MAN1A1: variants seen among roughly 807,000 people sequenced by gnomAD.
MAN1A1 encodes mannosidase alpha class 1A member 1, also known as mannosyl-oligosaccharide 1,2-alpha-mannosidase IA.
A neutral mutation model predicts 70.8 loss-of-function variants in MAN1A1; 29 were observed. The ratio of observed to expected loss-of-function variants is 0.41; its 90% CI spans 0.31 to 0.56. The LOEUF is 0.56. Ranked by LOEUF, MAN1A1 falls within the 20% of genes least tolerant of loss-of-function variation. The pLI is 0.29. For missense variants in MAN1A1, 747 were observed against 841.3 expected, an observed-to-expected ratio of 0.89 and a Z score of 1.39; for synonymous variants, 349 against 330.1, an observed-to-expected ratio of 1.06 and a Z score of -0.62.
At chr6:119,210,394 G>T (rs937337093) in intron 6 of MAN1A1, among the ~76,000 whole-genome samples, 1 of 151,948 alleles carries the variant, frequency 6.6e-6, no homozygotes, top group Non-Finnish European at 1.5e-5. Context: ...AAAGCAGTTT[G>T]GTGTATTTAG....
chr6:119,297,660 T>C (rs751673711), intron 4 of MAN1A1, among the ~76,000 whole-genome samples: 4 of 151,548 alleles, frequency 2.6e-5, no homozygotes, highest in African/African-American at 4.8e-5. Context: ...GTCACAAAGA[T>C]TAAACACGAT....
At position 119,348,922 on chromosome 6, in the gene MAN1A1, G is replaced by T; in HGVS notation, c.144C>A (p.Phe48Leu). The T allele has an allele frequency of 6.5e-7, 1 of 1,534,386 alleles. No individual in the cohort carries two copies. Among genetic ancestry groups the T allele is most frequent in the Non-Finnish European group, 8.8e-7 (1 of 1,141,032 alleles). The change falls in exon 2 of 13, where the codon TTC (phenylalanine) becomes TTA (leucine). Residue 48 changes from phenylalanine (F) to leucine (L), a missense_variant. This residue lies in a region of MAN1A1 where 328 missense variants were observed against 293.1 expected (regional missense o/e 1.12). Transcript: ENST00000368468. ...LTEKFVLLLV[F>L]SAFITLCFGA... ...CGAAGCAGAGCGTGATGAAGGCGCTGAATACCAGCAGCAGCACGAACTTCT... is the reference window on the plus strand; with the variant it reads ...CGAAGCAGAGCGTGATGAAGGCGCTTAATACCAGCAGCAGCACGAACTTCT...
intron 7 of MAN1A1, among the ~76,000 whole-genome samples, chr6:119,203,572 T>C (rs1194935002): frequency 6.6e-6 from 1 of 151,808 alleles, no homozygotes; most frequent in Non-Finnish European, 1.5e-5. Flanking sequence ...TACTGTATGG[T>C]GTACATACAG....
chr6:119,282,886 A>G lies in MAN1A1; in HGVS notation c.897+7797T>C, dbSNP rs79570078. ...AGTTTCCTCAAATTAAGGACCATAT[A>G]TGTACCTTGTAGAATCACTTTCACA... On this transcript the variant is annotated intron_variant, in intron 5 of 12. Coordinates refer to ENST00000368468, the MANE Select transcript of MAN1A1 (RefSeq NM_005907.4). 2.0e-4 allele frequency among the ~76,000 whole-genome samples: 31 copies of G among 152,332 alleles called. No individual in the cohort carries two copies. The East Asian group carries it at 4.0e-3, about 20-fold the overall frequency.
intron 11 of MAN1A1, among the ~76,000 whole-genome samples, chr6:119,186,681 G>A (rs1213760164): frequency 1.3e-5 from 2 of 152,208 alleles, no homozygotes; most frequent in Admixed American, 6.5e-5. Context: ...GTTTCCAGCT[G>A]TGGTCTCAAG....
chr6:119,188,605 G>A, intron 10 of MAN1A1, 28 bp from the exon 11 acceptor site: 2 of 1,599,828 alleles, frequency 1.3e-6, no homozygotes, highest in Non-Finnish European at 1.7e-6. Context: ...AATGAATAAG[G>A]GTTATTTTCC....
chr6:119,244,768 G>T (rs1775124290), intron 6 of MAN1A1, among the ~76,000 whole-genome samples: 1 of 152,094 alleles, frequency 6.6e-6, no homozygotes, highest in Admixed American at 6.6e-5. Context: ...TCTTAGGTTT[G>T]TCAATTACAT....
intron 2 of MAN1A1, among the ~76,000 whole-genome samples, chr6:119,333,751 T>C (rs1773381397): frequency 6.6e-6 from 1 of 152,244 alleles, no homozygotes; most frequent in African/African-American, 2.4e-5. Context: ...AATAATCTAC[T>C]CCTGGTTAAC....
intron 9 of MAN1A1, 79 bp from the exon 10 acceptor site, chr6:119,189,962 A>T (rs1386238946): frequency 9.2e-6 from 10 of 1,086,028 alleles, no homozygotes; most frequent in Middle Eastern, 2.2e-4. Context: ...CATTAAAAAA[A>T]AAAGAATAGA....
At chr6:119,326,049 T>G (rs955690381) in intron 2 of MAN1A1, among the ~76,000 whole-genome samples, 1 of 152,174 alleles carries the variant, frequency 6.6e-6, no homozygotes, top group Non-Finnish European at 1.5e-5. Context: ...TTCCAGCCCA[T>G]GCTGAGGTCC....
intron 4 of MAN1A1, 55 bp downstream of exon 4, chr6:119,301,933 T>A (rs771719464): frequency 6.3e-6 from 6 of 951,964 alleles, no homozygotes; most frequent in Non-Finnish European, 1.0e-5. Flanking sequence ...ACTACAGAAT[T>A]TATCCATGTT....
chr6:119,262,578 C>A (rs908390393), intron 5 of MAN1A1, among the ~76,000 whole-genome samples: 10 of 152,124 alleles, frequency 6.6e-5, no homozygotes, highest in Non-Finnish European at 1.2e-4. Flanking sequence ...TTGGTGATTT[C>A]TCAAAGAATT....
At chr6:119,186,930 G>C (rs1773307761) in intron 11 of MAN1A1, among the ~76,000 whole-genome samples, 1 of 152,206 alleles carries the variant, frequency 6.6e-6, no homozygotes, top group African/African-American at 2.4e-5. Context: ...TGAGACCTCA[G>C]TGTTGTGACA....
chr6:119,275,024 G>C (rs1483725847), intron 5 of MAN1A1, among the ~76,000 whole-genome samples: 1 of 152,100 alleles, frequency 6.6e-6, no homozygotes, highest in Non-Finnish European at 1.5e-5. Context: ...TAAGCATTAC[G>C]AGTGTGATTA....
intron 11 of MAN1A1, among the ~76,000 whole-genome samples, chr6:119,186,071 C>T (rs986846626): frequency 5.3e-5 from 8 of 152,036 alleles, no homozygotes; most frequent in African/African-American, 1.7e-4. Flanking sequence ...AGCTGAAATG[C>T]AGAAGGGAGA....
intron 6 of MAN1A1, among the ~76,000 whole-genome samples, chr6:119,206,203 G>GTGGGAGAGAAGGC (rs1428554342): frequency 6.6e-6 from 1 of 152,218 alleles, no homozygotes; most frequent in Non-Finnish European, 1.5e-5. Flanking sequence ...AGGAAGGTTG[G>GTGGGAGAGAAGGC]TGGGAGAGAA....
chr6:119,204,441 A>C (rs1773802643), intron 7 of MAN1A1, among the ~76,000 whole-genome samples: 1 of 152,240 alleles, frequency 6.6e-6, no homozygotes, highest in African/African-American at 2.4e-5. Context: ...TCTTTCACAT[A>C]GTTGGCTCAT....
chr6:119,223,935 T>A (rs1562199333), intron 6 of MAN1A1, among the ~76,000 whole-genome samples: 1 of 152,152 alleles, frequency 6.6e-6, no homozygotes, highest in Non-Finnish European at 1.5e-5. Context: ...CATTAACCAT[T>A]GAAAGACACC....
intron 6 of MAN1A1, among the ~76,000 whole-genome samples, chr6:119,205,801 A>G (rs1457871144): frequency 6.6e-6 from 1 of 152,258 alleles, no homozygotes; most frequent in Non-Finnish European, 1.5e-5. Flanking sequence ...CTTTTAGTTT[A>G]GATGCACATT....
Sources: gnomAD v4.1 joint callset for allele counts (sites outside exome capture counted in the v4.1 genomes callset) on GRCh38, gnomAD v4.1.1 for gene constraint, gnomAD v4.1.1 regional missense constraint, MANE v1.5 for transcripts, NCBI Gene and HGNC (gene_info 2026-07-23, HGNC 2026-07-21) for gene names.